DACH2: variants seen among roughly 807,000 people sequenced by gnomAD.
The protein encoded by DACH2 is dachshund family transcription factor 2.
Under a neutral mutation model 35.8 loss-of-function variants are expected in DACH2, and 17 were observed. That is an observed-to-expected ratio of 0.48 (90% CI 0.33 to 0.71). DACH2 has a LOEUF of 0.71. Ranked by LOEUF, DACH2 falls within the 30% of genes least tolerant of loss-of-function variation. The probability of loss-of-function intolerance (pLI) is 0.02; values close to 1 mark genes in which losing one functional copy is unlikely to be tolerated. For missense variants in DACH2, 469 were observed against 472.7 expected (o/e 0.99, Z 0.07); for synonymous variants, 195 against 177.3 (o/e 1.10, Z -0.79).
intron 1 of DACH2, among the ~76,000 whole-genome samples, chrX:86,165,405 A>G (rs2030910909): frequency 9.0e-6 from 1 of 111,214 alleles, no homozygotes; most frequent in Admixed American, 9.6e-5. Context: ...GACCCTCCAA[A>G]TTGTTCTCCA....
intron 2 of DACH2, among the ~76,000 whole-genome samples, chrX:86,430,409 G>T (rs1402801318): frequency 8.9e-6 from 1 of 112,115 alleles, no homozygotes; most frequent in Non-Finnish European, 1.9e-5. Flanking sequence ...TGGATGTATG[G>T]GGTTAAACTA....
At chrX:86,726,188 G>A (rs919530090) in intron 6 of DACH2, among the ~76,000 whole-genome samples, 2 of 111,543 alleles carry the variant, frequency 1.8e-5, no homozygotes, top group Admixed American at 9.5e-5. Flanking sequence ...AGTACAGCCT[G>A]TCCACATCTT....
chrX:86,750,790 A>G (rs2041764808), intron 7 of DACH2, among the ~76,000 whole-genome samples: 1 of 111,689 alleles, frequency 9.0e-6, no homozygotes, highest in African/African-American at 3.2e-5. Flanking sequence ...TTAAGGCTGA[A>G]TAATATTTTA....
chrX:86,521,693 T>C (rs1297295025), intron 3 of DACH2, among the ~76,000 whole-genome samples: 1 of 111,668 alleles, frequency 9.0e-6, no homozygotes, highest in Non-Finnish European at 1.9e-5. Flanking sequence ...ATGCAGACAG[T>C]TAAAAAAGTA....
chrX:86,631,807 C>A (rs1167579454), intron 3 of DACH2, among the ~76,000 whole-genome samples: 1 of 111,248 alleles, frequency 9.0e-6, no homozygotes, highest in Non-Finnish European at 1.9e-5. Context: ...GGTTCTTTTC[C>A]TTGTAAATTG....
intron 3 of DACH2, among the ~76,000 whole-genome samples, chrX:86,525,325 CTATT>C (rs755269916): frequency 5.8e-4 from 65 of 112,002 alleles, no homozygotes; most frequent in Non-Finnish European, 1.0e-3. Flanking sequence ...AATAATCCAT[CTATT>C]TATCTGTCGT....
At chrX:86,189,038 G>A (rs1442576963) in intron 1 of DACH2, among the ~76,000 whole-genome samples, 2 of 111,764 alleles carry the variant, frequency 1.8e-5, no homozygotes, top group African/African-American at 3.3e-5. Context: ...AGATTAATTC[G>A]AAGTGACTCA....
chrX:86,156,909 G>T (rs1289571825), intron 1 of DACH2, among the ~76,000 whole-genome samples: 2 of 110,908 alleles, frequency 1.8e-5, no homozygotes, highest in African/African-American at 6.5e-5. Flanking sequence ...TAATCTTAAG[G>T]CCCAATCCAA....
At chrX:86,174,515 C>A (rs1293514541) in intron 1 of DACH2, among the ~76,000 whole-genome samples, 1 of 111,339 alleles carries the variant, frequency 9.0e-6, no homozygotes, top group African/African-American at 3.3e-5. Flanking sequence ...TAGGACAGAG[C>A]CTTTTGCCCA....
chrX:86,204,956 T>G (rs1287459448), intron 1 of DACH2, among the ~76,000 whole-genome samples: 5 of 112,118 alleles, frequency 4.5e-5, no homozygotes, highest in Non-Finnish European at 7.5e-5. Context: ...CATCATTTAA[T>G]TACTTTGAAA....
Position 86,378,086 on chromosome X carries a change from A to G in DACH2, c.527+1224A>G, listed in dbSNP as rs528185300. On this transcript the variant is annotated intron_variant, in intron 2 of 11. Coordinates refer to ENST00000373125, the MANE Select transcript of DACH2 (RefSeq NM_053281.3). ...GTGTTTCCGATTTTATATGAATGCA[A>G]TTGAATTCAGGCATTGAAATTGGCT... Among the ~76,000 whole-genome samples the G allele has an allele frequency of 5.4e-5, 6 of 110,745 alleles. No homozygotes were observed. In the South Asian group the frequency reaches 2.2e-3, roughly 41 times the overall value.
rs2041261457 is a variant in DACH2 at position 86,710,069 on chromosome X, T to G, written c.932-4479T>G. 5.4e-5 allele frequency among the ~76,000 whole-genome samples: 6 copies of G among 112,070 alleles called. No individual in the cohort carries two copies. The South Asian group carries it at 2.2e-3, about 42-fold the overall frequency. ...TCACACAAAAACCTATACACCAAAG[T>G]TTATAGTAACTTTGTTCATAATTAC... On this transcript the variant is annotated intron_variant, in intron 5 of 11. Coordinates refer to ENST00000373125, the MANE Select transcript of DACH2 (RefSeq NM_053281.3).
At chrX:86,600,973 T>C (rs1200912567) in intron 3 of DACH2, among the ~76,000 whole-genome samples, 2 of 111,302 alleles carry the variant, frequency 1.8e-5, no homozygotes, top group African/African-American at 6.5e-5. Flanking sequence ...AGAGGGAGAT[T>C]CCTGTGCTCC....
intron 3 of DACH2, among the ~76,000 whole-genome samples, chrX:86,523,591 T>A (rs974262987): frequency 9.0e-6 from 1 of 111,315 alleles, no homozygotes; most frequent in African/African-American, 3.3e-5. Flanking sequence ...GGTTAGGGTT[T>A]TTTTGGACAA....
chrX:86,274,213 G>A (rs1001388777), intron 1 of DACH2, among the ~76,000 whole-genome samples: 25 of 110,701 alleles, frequency 2.3e-4, no homozygotes, highest in Non-Finnish European at 7.5e-5. Context: ...GGAGGAAACC[G>A]ACATTGTACT....
chrX:86,767,664 G>T (rs2147291349), intron 7 of DACH2, among the ~76,000 whole-genome samples: 1 of 111,826 alleles, frequency 8.9e-6, no homozygotes, highest in African/African-American at 3.2e-5. Context: ...GTTGGTCTAG[G>T]CTACCCTTCA....
chrX:86,807,981 T>C (rs1040165211), intron 7 of DACH2, among the ~76,000 whole-genome samples: 1 of 111,860 alleles, frequency 8.9e-6, no homozygotes, highest in South Asian at 3.7e-4. Context: ...GGAAGTTCTG[T>C]GGGGCTTTAG....
At chrX:86,654,058 G>A (rs759258779) in intron 4 of DACH2, among the ~76,000 whole-genome samples, 3 of 108,461 alleles carry the variant, frequency 2.8e-5, no homozygotes, top group Non-Finnish European at 5.7e-5. Flanking sequence ...GATGGATCCC[G>A]ACATGATTTC....
intron 3 of DACH2, among the ~76,000 whole-genome samples, chrX:86,593,663 G>A (rs1381655672): frequency 9.1e-6 from 1 of 110,158 alleles, no homozygotes; most frequent in Admixed American, 9.8e-5. Flanking sequence ...CTGACCTCAA[G>A]TCATCTGCCC....
Sources: allele counts gnomAD v4.1 joint callset (sites outside exome capture counted in the v4.1 genomes callset), GRCh38; gene constraint gnomAD v4.1.1; transcripts MANE v1.5; gene names NCBI Gene and HGNC (gene_info 2026-07-23, HGNC 2026-07-21).